Variants in ZNF655 observed in about 807,000 individuals in gnomAD.
ZNF655 encodes zinc finger protein 655, also known as Vav-interacting Kruppel-like protein 1.
Under a neutral mutation model 6.6 loss-of-function variants are expected in ZNF655, and 3 were observed. The observed-to-expected ratio is 0.46, with a 90% CI of 0.21 to 1.18. The LOEUF (loss-of-function observed/expected upper bound fraction) is 1.18, where lower values mean the gene tolerates loss of function less well. Ranked by LOEUF, ZNF655 falls within the 50% of genes most tolerant of loss-of-function variation. ZNF655 has a pLI of 0.24. For synonymous variants in ZNF655, 178 were observed against 195.0 expected (o/e 0.91, Z 0.73); for missense variants, 526 against 572.3 (o/e 0.92, Z 0.83).
Position 99,573,413 on chromosome 7 carries a change from G to T in ZNF655, c.1305G>T (p.Ser435=), listed in dbSNP as rs574892459. 1 of 1,614,076 alleles carries T rather than the reference G, an allele frequency of 6.2e-7. No individual in the cohort carries two copies. The highest frequency in any genetic ancestry group is 8.5e-7 in the Non-Finnish European group (1 of 1,179,996). The part of the protein sequence containing the change: ...QHHKMHRKEK[S]YECNEYEGSF... ...ACAAAATGCATAGGAAAGAGAAATC[G>T]TATGAATGTAATGAGTATGAGGGCA... Residue 435 remains serine (S), a synonymous_variant, in exon 3 of 3, where the codon TCG becomes TCT. Transcript: ENST00000252713.
At chr7:99,562,394 T>C in intron 2 of ZNF655, 2 of 1,614,184 alleles carry the variant, frequency 1.2e-6, no homozygotes, top group Non-Finnish European at 1.7e-6. Context: ...AGGATGTGGC[T>C]GTGCACCTTA....
chr7:99,564,706 CCTGT>C, intron 2 of ZNF655: 2 of 985,076 alleles, frequency 2.0e-6, no homozygotes, highest in Non-Finnish European at 2.4e-6. Flanking sequence ...CAACAGTTAA[CCTGT>C]CTACTTTTTG....
In ZNF655 at chr7:99,569,543, A is replaced by G. The variant is rs569544506; in HGVS notation, c.137-2702A>G. 5.1e-4 allele frequency among the ~76,000 whole-genome samples: 77 copies of G among 152,290 alleles called. 1 individual carries two copies. Among genetic ancestry groups the G allele is most frequent in the Admixed American group, 5.0e-3 (77 of 15,294 alleles). On this transcript the variant is annotated intron_variant, in intron 2 of 2. Coordinates refer to ENST00000252713, the MANE Select transcript of ZNF655 (RefSeq NM_138494.3). Reference sequence around the variant, plus strand: ...GCAGGTTTGAAAACTAAGCATTACCAGTTATTGTAACCTTGGGCAAGCTAC... The same window carrying G: ...GCAGGTTTGAAAACTAAGCATTACCGGTTATTGTAACCTTGGGCAAGCTAC...
intron 2 of ZNF655, among the ~76,000 whole-genome samples, chr7:99,565,339 T>G (rs1287634712): frequency 6.6e-6 from 1 of 152,040 alleles, no homozygotes. Flanking sequence ...TGGCTAATCT[T>G]TTCGTATTTT....
rs1804205387 is a variant in ZNF655, at chr7:99,573,110, A to G, written c.1002A>G (p.Val334=). 2.5e-6 allele frequency: 4 copies of G among 1,614,172 alleles called. No individual in the cohort carries two copies. In the East Asian group the frequency reaches 6.7e-5, roughly 27 times the overall value. ...IHKEMPCKCT[V]CGSDFCHTSY... is the part of the protein sequence containing the mutation. ...AAGAGATGCCCTGTAAGTGTACTGT[A>G]TGTGGCAGTGACTTCTGCCATACTT... The change falls in exon 3 of 3, where the codon GTA becomes GTG. Residue 334 remains valine (V), a synonymous_variant. Transcript: ENST00000252713.
In ZNF655 at chr7:99,560,651, C is replaced by T. The variant is rs1185732072; in HGVS notation, c.92C>T (p.Pro31Leu). Residue 31 changes from proline to leucine, a missense_variant, in exon 2 of 3, where the codon CCT (proline) becomes CTT (leucine). Pro to Leu is a moderately conservative substitution (Grantham distance 98). Transcript: ENST00000252713. ...CAGTCTGAGTGTCTGTCCCCAGAGCCTCAGTTTGTGCAGGACACCGACATG... is the reference window on the plus strand; with the variant it reads ...CAGTCTGAGTGTCTGTCCCCAGAGCTTCAGTTTGTGCAGGACACCGACATG... ...ETQSECLSPE[P>L]QFVQDTDMEQ... 3 of 1,614,118 alleles carry T rather than the reference C, an allele frequency of 1.9e-6. No individual in the cohort carries two copies. The highest frequency in any genetic ancestry group is 1.3e-5 in the African/African-American group (1 of 75,044).
At chr7:99,564,138 C>CT in intron 2 of ZNF655, 1 of 1,496,858 alleles carries the variant, frequency 6.7e-7, no homozygotes, top group South Asian at 1.4e-5. Flanking sequence ...CAAATTACCT[C>CT]TGTTTAATTT....
chr7:99,570,042 T>A (rs1196414286), intron 2 of ZNF655, among the ~76,000 whole-genome samples: 1 of 152,218 alleles, frequency 6.6e-6, no homozygotes, highest in Non-Finnish European at 1.5e-5. Context: ...GCATTTTCTC[T>A]TATACCTTCG....
At chr7:99,559,414 G>A (rs767520592) in intron 1 of ZNF655, among the ~76,000 whole-genome samples, 2 of 151,872 alleles carry the variant, frequency 1.3e-5, no homozygotes, top group Admixed American at 6.6e-5. Flanking sequence ...TTACGTAAAC[G>A]CGGGCCTGTC....
chr7:99,560,107 C>T (rs1366072178), intron 1 of ZNF655, among the ~76,000 whole-genome samples: 9 of 140,990 alleles, frequency 6.4e-5, no homozygotes, highest in East Asian at 2.1e-4. Flanking sequence ...TTTTTTGGGA[C>T]GGAGTCTCAC....
intron 2 of ZNF655, among the ~76,000 whole-genome samples, chr7:99,565,437 G>A (rs1370614447): frequency 6.6e-6 from 1 of 152,128 alleles, no homozygotes; most frequent in Non-Finnish European, 1.5e-5. Flanking sequence ...CCAAAGTGCT[G>A]GGATTACAGG....
intron 2 of ZNF655, chr7:99,561,755 G>A (rs1584242973): frequency 2.2e-6 from 1 of 448,840 alleles, no homozygotes; most frequent in Non-Finnish European, 3.8e-6. Flanking sequence ...CCCAATACCT[G>A]AAAAATGTTC....
intron 2 of ZNF655, chr7:99,562,120 A>G (rs1297377110): frequency 2.5e-6 from 2 of 801,072 alleles, no homozygotes; most frequent in Middle Eastern, 2.6e-4. Context: ...GGAGACCTGG[A>G]CTTCACATAA....
chr7:99,573,160 T>A lies in ZNF655; in HGVS notation c.1052T>A (p.Val351Asp). 6.2e-7 allele frequency: 1 copy of A among 1,614,096 alleles called. No homozygotes were observed. Among genetic ancestry groups the A allele is most frequent in the South Asian group, 1.1e-5 (1 of 91,082 alleles). Residue 351 changes from valine (V) to aspartate (D), a missense_variant, in exon 3 of 3, where the codon GTC becomes GAC. Physicochemically the swap from Val to Asp is radical, Grantham distance 152. Coordinates refer to ENST00000252713, the MANE Select transcript of ZNF655 (RefSeq NM_138494.3). The part of the protein sequence containing the change: ...HTSYLLEHQR[V>D]HHEEKAYEYD... ...TCATACCTACTTGAACATCAGAGGG[T>A]CCATCATGAAGAGAAAGCCTATGAG...
intron 2 of ZNF655, 66 bp from the exon 3 acceptor site, chr7:99,572,165 TAGTTTTCTCATCTG>T: frequency 7.0e-7 from 1 of 1,421,804 alleles, no homozygotes; most frequent in East Asian, 2.3e-5. Context: ...CTACATTGTT[TAGTTTTCTCATCTG>T]AGTTTTCTTT....
In ZNF655 at chr7:99,558,748, G is replaced by A. The variant is rs948710792; in HGVS notation, c.-67G>A. On this transcript the variant is annotated 5_prime_UTR_variant, in exon 1 of 3. Transcript: ENST00000252713. ...CTGTGGTGGCCCCGAGCGCGAGTGTGTAGGTGACAGGACAGCGGCCAGGCC... is the reference window on the plus strand; with the variant it reads ...CTGTGGTGGCCCCGAGCGCGAGTGTATAGGTGACAGGACAGCGGCCAGGCC... The A allele has an allele frequency of 3.3e-5, 5 of 152,232 alleles. No individual in the cohort carries two copies. Among genetic ancestry groups the A allele is most frequent in the Non-Finnish European group, 5.9e-5 (4 of 68,134 alleles). The allele number at this position is 152,232 out of a possible 1,614,324, so 9.4% of individuals were successfully genotyped here.
intron 2 of ZNF655, chr7:99,564,072 G>T: frequency 6.3e-7 from 1 of 1,589,308 alleles, no homozygotes; most frequent in South Asian, 1.1e-5. Flanking sequence ...TATTAAAATT[G>T]ACTGATGGAA....
rs1804282228 is a variant in ZNF655 at position 99,574,392 on chromosome 7, A to G, written c.*808A>G. 1 of 152,030 alleles carries G rather than the reference A, an allele frequency of 6.6e-6. No homozygotes were observed. The highest frequency in any genetic ancestry group is 1.9e-4 in the East Asian group (1 of 5,202). 9.4% of individuals were successfully genotyped at this position (152,030 alleles called of 1,614,324 possible). ...ATTCTAAGTAGGTACGTTTATTTTT[A>G]CTTTTTTATTATAATTTTGATATTA... On this transcript the variant is annotated 3_prime_UTR_variant, in exon 3 of 3. Coordinates refer to ENST00000252713, the MANE Select transcript of ZNF655 (RefSeq NM_138494.3).
At chr7:99,559,672 G>C (rs1003107398) in intron 1 of ZNF655, among the ~76,000 whole-genome samples, 1 of 152,108 alleles carries the variant, frequency 6.6e-6, no homozygotes, top group African/African-American at 2.4e-5. Context: ...CTGTCATACA[G>C]GCTGGAATGC....
Sources: allele counts gnomAD v4.1 joint callset (sites outside exome capture counted in the v4.1 genomes callset), GRCh38; gene constraint gnomAD v4.1.1; transcripts MANE v1.5; gene names NCBI Gene and HGNC (gene_info 2026-07-23, HGNC 2026-07-21).